Variants in CNTN5 observed in about 807,000 individuals in gnomAD.
CNTN5 encodes contactin 5, also known as contactin-5.
In CNTN5, 77 loss-of-function variants were observed where a neutral mutation model predicts 129.1. The ratio of observed to expected loss-of-function variants is 0.60; its 90% CI spans 0.50 to 0.72. The LOEUF (loss-of-function observed/expected upper bound fraction) is 0.72. Ranked by LOEUF, CNTN5 falls within the 30% of genes least tolerant of loss-of-function variation. The probability of loss-of-function intolerance (pLI) is 0.00; values close to 1 mark genes in which losing one functional copy is unlikely to be tolerated. For synonymous variants in CNTN5, 509 were observed against 465.6 expected (o/e 1.09, Z -1.20); for missense variants, 1,478 against 1,328.8 (o/e 1.11, Z -1.75).
At chr11:99,410,433 G>A (rs570820328) in intron 2 of CNTN5, among the ~76,000 whole-genome samples, 12 of 152,106 alleles carry the variant, frequency 7.9e-5, no homozygotes, top group Non-Finnish European at 1.2e-4. Context: ...GATCCATATT[G>A]CCAGAGCCAT....
intron 13 of CNTN5, among the ~76,000 whole-genome samples, chr11:100,085,939 A>G (rs955489227): frequency 1.2e-4 from 18 of 152,064 alleles, no homozygotes; most frequent in African/African-American, 2.7e-4. Flanking sequence ...TTTAACACAG[A>G]GGGACAGAGT....
At chr11:99,067,583 A>G (rs993795680) in intron 1 of CNTN5, among the ~76,000 whole-genome samples, 4 of 152,172 alleles carry the variant, frequency 2.6e-5, no homozygotes, top group Non-Finnish European at 5.9e-5. Flanking sequence ...TATGGGAAGG[A>G]GATATTTTAG....
At chr11:99,512,925 T>A (rs984994180) in intron 2 of CNTN5, among the ~76,000 whole-genome samples, 1 of 152,146 alleles carries the variant, frequency 6.6e-6, no homozygotes, top group Non-Finnish European at 1.5e-5. Context: ...TGTTTCTCAT[T>A]TTAAATCAAA....
At chr11:99,691,014 C>A (rs1486205063) in intron 3 of CNTN5, among the ~76,000 whole-genome samples, 1 of 151,680 alleles carries the variant, frequency 6.6e-6, no homozygotes, top group Non-Finnish European at 1.5e-5. Flanking sequence ...GTAATTTATT[C>A]TTTTCTTCTA....
At chr11:99,565,944 A>T (rs1256020728) in intron 3 of CNTN5, among the ~76,000 whole-genome samples, 1 of 152,214 alleles carries the variant, frequency 6.6e-6, no homozygotes, top group African/African-American at 2.4e-5. Context: ...TAAACAATTA[A>T]TAATAATAGT....
At chr11:99,683,653 T>G (rs1036495202) in intron 3 of CNTN5, among the ~76,000 whole-genome samples, 1 of 151,806 alleles carries the variant, frequency 6.6e-6, no homozygotes, top group South Asian at 2.1e-4. Context: ...AGTTTGCCAG[T>G]TTTCACACAC....
chr11:99,374,479 C>G (rs1940033036), intron 2 of CNTN5, among the ~76,000 whole-genome samples: 1 of 151,980 alleles, frequency 6.6e-6, no homozygotes, highest in Non-Finnish European at 1.5e-5. Flanking sequence ...GTCAGGAGAT[C>G]AAGACCATCC....
At chr11:99,287,087 G>T (rs1036150383) in intron 1 of CNTN5, among the ~76,000 whole-genome samples, 15 of 152,076 alleles carry the variant, frequency 9.9e-5, no homozygotes, top group African/African-American at 3.4e-4. Context: ...TATTTAAAAG[G>T]CTGTCATGTG....
At chr11:99,821,507 C>A (rs546037184) in intron 4 of CNTN5, among the ~76,000 whole-genome samples, 2 of 152,154 alleles carry the variant, frequency 1.3e-5, no homozygotes, top group South Asian at 2.1e-4. Context: ...AACTCTCTGA[C>A]ACTTTGATTA....
chr11:99,678,823 G>A (rs1953415438), intron 3 of CNTN5, among the ~76,000 whole-genome samples: 1 of 151,696 alleles, frequency 6.6e-6, no homozygotes, highest in Non-Finnish European at 1.5e-5. Flanking sequence ...CACATGAGAA[G>A]AATACAAATA....
intron 3 of CNTN5, among the ~76,000 whole-genome samples, chr11:99,671,094 C>T (rs1022418062): frequency 6.7e-6 from 1 of 149,104 alleles, no homozygotes; most frequent in South Asian, 2.2e-4. Context: ...TGTGAGTTCT[C>T]TCGCTCGCTC....
At chr11:99,492,043 T>C (rs991797473) in intron 2 of CNTN5, among the ~76,000 whole-genome samples, 1 of 152,130 alleles carries the variant, frequency 6.6e-6, no homozygotes, top group Non-Finnish European at 1.5e-5. Flanking sequence ...TATCTGTTGT[T>C]GGAAATTCAG....
At chr11:99,170,074 ATATTT>A (rs1170429057) in intron 1 of CNTN5, among the ~76,000 whole-genome samples, 2 of 152,108 alleles carry the variant, frequency 1.3e-5, no homozygotes, top group African/African-American at 4.8e-5. Context: ...CATGTTATGA[ATATTT>A]TATATTTTAT....
intron 3 of CNTN5, among the ~76,000 whole-genome samples, chr11:99,592,509 G>A (rs975027814): frequency 6.6e-6 from 1 of 152,142 alleles, no homozygotes; most frequent in African/African-American, 2.4e-5. Flanking sequence ...AGCCATTTGA[G>A]TATGATAACA....
intron 2 of CNTN5, among the ~76,000 whole-genome samples, chr11:99,467,620 A>C (rs1944997158): frequency 6.6e-6 from 1 of 152,104 alleles, no homozygotes; most frequent in Non-Finnish European, 1.5e-5. Flanking sequence ...GCTTTGTTAC[A>C]CATCCTTTTA....
chr11:99,252,392 T>G (rs768008481), intron 1 of CNTN5, among the ~76,000 whole-genome samples: 5 of 151,880 alleles, frequency 3.3e-5, no homozygotes, highest in African/African-American at 7.2e-5. Context: ...CAAATTAATT[T>G]TAAAAGCATT....
intron 18 of CNTN5, among the ~76,000 whole-genome samples, chr11:100,288,434 T>A (rs569116392): frequency 6.6e-6 from 1 of 152,204 alleles, no homozygotes; most frequent in South Asian, 2.1e-4. Context: ...GCAATCAAAC[T>A]AGAACTCAGG....
chr11:99,448,855 G>T (rs568980484), intron 2 of CNTN5, among the ~76,000 whole-genome samples: 1 of 150,392 alleles, frequency 6.6e-6, no homozygotes, highest in East Asian at 2.0e-4. Context: ...ATGGCTCATT[G>T]CAGCCTCTGT....
chr11:99,560,016 T>C (rs1948789704), intron 3 of CNTN5, among the ~76,000 whole-genome samples: 1 of 152,084 alleles, frequency 6.6e-6, no homozygotes, highest in African/African-American at 2.4e-5. Flanking sequence ...CTGTGGAGAC[T>C]ATAAACAGAT....
Sources: allele counts gnomAD v4.1 joint callset (sites outside exome capture counted in the v4.1 genomes callset), GRCh38; gene constraint gnomAD v4.1.1; transcripts MANE v1.5; gene names NCBI Gene and HGNC (gene_info 2026-07-23, HGNC 2026-07-21).